The following CLCA1 variants were observed in gnomAD, a reference collection of about 807,000 sequenced individuals.
CLCA1 encodes calcium-activated chloride channel regulator 1.
Under a neutral mutation model 85.6 loss-of-function variants are expected in CLCA1, and 59 were observed. That is an observed-to-expected ratio of 0.69 (90% CI 0.56 to 0.86). The LOEUF is 0.86. CLCA1 is among the 40% of genes least tolerant of loss of function. The pLI is 0.00. For missense variants in CLCA1, 1,022 were observed against 1,101.4 expected (o/e 0.93, Z 1.02); for synonymous variants, 396 against 398.3 (o/e 0.99, Z 0.07).
In CLCA1 at chr1:86,486,587, A is replaced by G. The variant is rs769922423; in HGVS notation, c.1016A>G (p.Glu339Gly). Reference sequence around the variant, plus strand: ...CAGCTTTTCCTGCTGCAGACAGTTGAGCTGGGGTCCTGGGTTGGGATGGTG... The same window carrying G: ...CAGCTTTTCCTGCTGCAGACAGTTGGGCTGGGGTCCTGGGTTGGGATGGTG... ...AGQLFLLQTV[E>G]LGSWVGMVTF... is the part of the protein sequence containing the mutation. Residue 339 changes from glutamate to glycine, a missense_variant, in exon 7 of 14, where the codon GAG (glutamate) becomes GGG (glycine). Transcript: ENST00000394711. The G allele has an allele frequency of 1.2e-6, 2 of 1,614,072 alleles. No homozygotes were observed. The highest frequency in any genetic ancestry group is 2.2e-5 in the South Asian group (2 of 91,076).
chr1:86,473,632 G>T (rs1265134341), intron 2 of CLCA1, 75 bp downstream of exon 2: 3 of 1,495,488 alleles, frequency 2.0e-6, no homozygotes, highest in Non-Finnish European at 2.7e-6. Context: ...AAATATTCTA[G>T]AATCAAATGT....
At chr1:86,494,699 T>C (rs1451317008) in intron 11 of CLCA1, among the ~76,000 whole-genome samples, 2 of 152,182 alleles carry the variant, frequency 1.3e-5, no homozygotes, top group South Asian at 2.1e-4. Context: ...GGAGTTGCCA[T>C]AGGGTATTCC....
At chr1:86,498,421 C>T in intron 12 of CLCA1, 151 bp from the exon 13 acceptor site, 2 of 711,624 alleles carry the variant, frequency 2.8e-6, no homozygotes, top group South Asian at 3.9e-5. Context: ...TATTTGTGGT[C>T]TTGTCTCCAA....
At chr1:86,489,283 T>C (rs1313362953) in intron 8 of CLCA1, 113 bp downstream of exon 8, 1 of 995,728 alleles carries the variant, frequency 1.0e-6, no homozygotes, top group Non-Finnish European at 1.5e-6. Flanking sequence ...ATAACCTAAT[T>C]GGCTAACTAG....
At chr1:86,472,896 T>C (rs925519646) in intron 1 of CLCA1, among the ~76,000 whole-genome samples, 1 of 152,230 alleles carries the variant, frequency 6.6e-6, no homozygotes, top group Non-Finnish European at 1.5e-5. Flanking sequence ...ACATTCACTT[T>C]TTCTCTTCAT....
chr1:86,474,524 AG>A (rs1647592638), intron 3 of CLCA1, among the ~76,000 whole-genome samples: 1 of 150,246 alleles, frequency 6.7e-6, no homozygotes, highest in Non-Finnish European at 1.5e-5. Context: ...ACTGCACTCC[AG>A]CCTGGGCGAC....
At chr1:86,494,487 T>A (rs752436313) in intron 11 of CLCA1, 39 bp downstream of exon 11, 2 of 1,606,210 alleles carry the variant, frequency 1.2e-6, no homozygotes, top group Admixed American at 3.4e-5. Context: ...TATTTCTTTT[T>A]CCAAGAAGCA....
At chr1:86,470,954 C>T (rs928051950) in intron 1 of CLCA1, among the ~76,000 whole-genome samples, 11 of 152,292 alleles carry the variant, frequency 7.2e-5, no homozygotes, top group East Asian at 1.9e-4. Context: ...AGCAGTTAAT[C>T]GCTCTGCACC....
At chr1:86,493,760 C>G (rs530471757) in intron 10 of CLCA1, among the ~76,000 whole-genome samples, 161 bp downstream of exon 10, 1 of 152,244 alleles carries the variant, frequency 6.6e-6, no homozygotes, top group South Asian at 2.1e-4. Flanking sequence ...ATGAAAATCA[C>G]TCAGTATGTC....
chr1:86,475,872 A>G (rs1647625170), intron 3 of CLCA1, among the ~76,000 whole-genome samples: 1 of 152,186 alleles, frequency 6.6e-6, no homozygotes, highest in African/African-American at 2.4e-5. Flanking sequence ...GACCTTGTAC[A>G]CCATGTTGAG....
Position 86,493,558 on chromosome 1 carries a change from A to T in CLCA1, c.1639A>T (p.Asn547Tyr), listed in dbSNP as rs1570290059. ...QKQGGFVVDKNTKMAYLQIPG... is the reference protein window; with the variant it reads ...QKQGGFVVDKYTKMAYLQIPG... ...GCAAGGTGGCTTTGTAGTGGACAAA[A>T]ACACCAAAATGGCCTACCTCCAAAT... The change falls in exon 10 of 14, where the codon AAC (asparagine) becomes TAC (tyrosine). Residue 547 changes from asparagine to tyrosine, a missense_variant. Coordinates refer to ENST00000394711, the MANE Select transcript of CLCA1 (RefSeq NM_001285.4). 4 of 1,614,134 alleles carry T rather than the reference A, an allele frequency of 2.5e-6. No homozygotes were observed. In the East Asian group the frequency reaches 8.9e-5, roughly 36 times the overall value.
chr1:86,480,548 G>A (rs942104974), intron 4 of CLCA1, among the ~76,000 whole-genome samples: 3 of 152,084 alleles, frequency 2.0e-5, no homozygotes, highest in Non-Finnish European at 4.4e-5. Flanking sequence ...ACCTGAGCCT[G>A]GGGGTGAGGT....
rs758254299 is a variant in CLCA1, at chr1:86,494,491, A to G, written c.1942+43A>G. On this transcript the variant is annotated intron_variant, in intron 11 of 13. Transcript: ENST00000394711. ...TGGAAGATATTTATTTCTTTTTCCA[A>G]GAAGCAACCAGGGAATGCCAAGAGG... 26 of 1,602,690 alleles carry G rather than the reference A, an allele frequency of 1.6e-5. No individual in the cohort carries two copies. The Admixed American group carries it at 3.2e-4, about 20-fold the overall frequency.
Position 86,473,890 on chromosome 1 carries a change from T to C in CLCA1, c.451+14T>C. Reference sequence around the variant, plus strand: ...ATGGACCACAAGGTATGAAATATTCTACCATACTTCTCATACAATTTAACT... The same window carrying C: ...ATGGACCACAAGGTATGAAATATTCCACCATACTTCTCATACAATTTAACT... On this transcript the variant is annotated intron_variant, in intron 3 of 13. Transcript: ENST00000394711. The C allele has an allele frequency of 6.3e-7, 1 of 1,575,814 alleles. No homozygotes were observed. The highest frequency in any genetic ancestry group is 8.6e-7 in the Non-Finnish European group (1 of 1,157,364).
At chr1:86,489,304 C>A in intron 8 of CLCA1, 134 bp downstream of exon 8, 1 of 770,748 alleles carries the variant, frequency 1.3e-6, no homozygotes, top group Non-Finnish European at 2.1e-6. Flanking sequence ...CCACCCTTAC[C>A]CCTGAATGAC....
chr1:86,495,465 C>T (rs1208600957), intron 11 of CLCA1, 40 bp from the exon 12 acceptor site: 1 of 1,519,306 alleles, frequency 6.6e-7, no homozygotes, highest in African/African-American at 1.4e-5. Context: ...CAAATACCCT[C>T]CCCGTTACCT....
intron 13 of CLCA1, among the ~76,000 whole-genome samples, chr1:86,499,015 G>T (rs1375777432): frequency 6.6e-6 from 1 of 152,210 alleles, no homozygotes; most frequent in African/African-American, 2.4e-5. Flanking sequence ...GGAGTAAGAG[G>T]CTTCAGCCAG....
chr1:86,496,859 A>G (rs1439304796), intron 12 of CLCA1, among the ~76,000 whole-genome samples: 1 of 152,170 alleles, frequency 6.6e-6, no homozygotes, highest in African/African-American at 2.4e-5. Flanking sequence ...CCTCCCGAGT[A>G]GCTGGGACTA....
At chr1:86,494,097 T>C in intron 10 of CLCA1, 90 bp from the exon 11 acceptor site, 1 of 1,424,942 alleles carries the variant, frequency 7.0e-7, no homozygotes, top group Non-Finnish European at 9.7e-7. Flanking sequence ...AACATGCTTA[T>C]ATCAGAGGGT....
Sources: gnomAD v4.1 joint callset for allele counts (sites outside exome capture counted in the v4.1 genomes callset) on GRCh38, gnomAD v4.1.1 for gene constraint, MANE v1.5 for transcripts, NCBI Gene and HGNC (gene_info 2026-07-23, HGNC 2026-07-21) for gene names.